Variants in UNC79 observed in about 807,000 individuals in gnomAD.
The protein encoded by UNC79 is unc-79 subunit of NALCN channel complex.
A neutral mutation model predicts 283.1 loss-of-function variants in UNC79; 37 were observed. The observed-to-expected ratio is 0.13, with a 90% confidence interval of 0.10 to 0.17. UNC79 has a LOEUF of 0.17. Among genes scored for constraint, UNC79 ranks in the 10% least tolerant of loss-of-function variants. The pLI, the probability that UNC79 is intolerant of heterozygous loss-of-function variation, is 1.00. For synonymous variants in UNC79, 1,107 were observed against 1,200.2 expected (o/e 0.92, Z 1.61); for missense variants, 2,272 against 3,211.1 (o/e 0.71, Z 7.07).
At chr14:93,433,081 C>G (rs903741921) in intron 1 of UNC79, among the ~76,000 whole-genome samples, 1 of 152,170 alleles carries the variant, frequency 6.6e-6, no homozygotes, top group African/African-American at 2.4e-5. Context: ...ATATCTGGAG[C>G]TAGAACATGT....
chr14:93,598,116 A>G (rs1225286457), intron 24 of UNC79, among the ~76,000 whole-genome samples: 1 of 151,988 alleles, frequency 6.6e-6, no homozygotes, highest in East Asian at 1.9e-4. Context: ...CCTCCTGAAT[A>G]GCTAGGACAA....
At chr14:93,627,014 A>C (rs1214074667) in intron 30 of UNC79, among the ~76,000 whole-genome samples, 2 of 152,164 alleles carry the variant, frequency 1.3e-5, no homozygotes, top group East Asian at 3.9e-4. Flanking sequence ...GCACTTGTGA[A>C]TAGCCACAGC....
chr14:93,548,991 T>A (rs1406941342), intron 14 of UNC79, among the ~76,000 whole-genome samples: 1 of 152,202 alleles, frequency 6.6e-6, no homozygotes, highest in Non-Finnish European at 1.5e-5. Flanking sequence ...TAGATGCAAA[T>A]TCTTCTTAGT....
intron 8 of UNC79, among the ~76,000 whole-genome samples, chr14:93,528,337 C>T (rs2060638536): frequency 6.6e-6 from 1 of 152,132 alleles, no homozygotes; most frequent in African/African-American, 2.4e-5. Context: ...TGCAAGTTAA[C>T]AGGAGAAATG....
upstream of UNC79, among the ~76,000 whole-genome samples, chr14:93,428,641 C>T (rs998757770): frequency 1.3e-5 from 2 of 152,086 alleles, no homozygotes; most frequent in Non-Finnish European, 1.5e-5. Context: ...TTGGAGGCTC[C>T]GAAGCATCAG....
At chr14:93,493,922 A>G (rs2058886029) in intron 5 of UNC79, among the ~76,000 whole-genome samples, 3 of 18,028 alleles carry the variant, frequency 1.7e-4, no homozygotes, top group Admixed American at 7.1e-4. Flanking sequence ...TTTTTTTTTG[A>G]GATAGAGTTT....
At chr14:93,665,406 T>G (rs1315945970) in intron 40 of UNC79, among the ~76,000 whole-genome samples, 1 of 151,342 alleles carries the variant, frequency 6.6e-6, no homozygotes, top group East Asian at 1.9e-4. Flanking sequence ...AAGAGAGAGA[T>G]AAAGAGATGA....
chr14:93,611,478 C>T (rs746018818), intron 26 of UNC79, among the ~76,000 whole-genome samples: 16 of 152,150 alleles, frequency 1.1e-4, no homozygotes, highest in African/African-American at 2.2e-4. Flanking sequence ...TGGTAAATTC[C>T]GAATTTGACC....
intron 7 of UNC79, among the ~76,000 whole-genome samples, chr14:93,523,315 C>G (rs2060409339): frequency 1.3e-5 from 2 of 152,064 alleles, no homozygotes; most frequent in Admixed American, 6.6e-5. Flanking sequence ...TATTAGCAGA[C>G]TAGCAAAGGT....
chr14:93,563,799 G>A (rs1311765507), intron 14 of UNC79, among the ~76,000 whole-genome samples: 1 of 152,162 alleles, frequency 6.6e-6, no homozygotes, highest in East Asian at 1.9e-4. Context: ...TGGGAGCCCG[G>A]ATTGAAGTCT....
At chr14:93,402,655 T>C (rs962435800) in intron 1 of UNC79, among the ~76,000 whole-genome samples, 1 of 151,912 alleles carries the variant, frequency 6.6e-6, no homozygotes, top group Non-Finnish European at 1.5e-5. Flanking sequence ...AGATAAGAAA[T>C]ATGAACAAGC....
intron 48 of UNC79, among the ~76,000 whole-genome samples, chr14:93,706,239 CTGAG>C (rs2075871065): frequency 6.6e-6 from 1 of 152,134 alleles, no homozygotes; most frequent in South Asian, 2.1e-4. Flanking sequence ...CACAAACCCC[CTGAG>C]TAAGTGTCAC....
At position 93,642,454 on chromosome 14, in the gene UNC79, G is replaced by A. The variant is rs545211647; in HGVS notation, c.5904-1103G>A. On this transcript the variant is annotated intron_variant, in intron 33 of 48. Coordinates refer to ENST00000555664, the Ensembl canonical transcript of UNC79. ...AAAAAAAAAAAAAAAAGTGAGGAAG[G>A]TAAGGTGGAAGGGGCTGATGTGAGT... is the stretch of plus-strand genomic sequence containing the variant. Among the ~76,000 whole-genome samples the A allele has an allele frequency of 6.6e-5, 10 of 151,132 alleles. No homozygotes were observed. In the South Asian group the frequency reaches 2.1e-3, roughly 32 times the overall value.
chr14:93,641,178 G>A, exon 33 of UNC79: 4 of 1,613,704 alleles, frequency 2.5e-6, no homozygotes, highest in Non-Finnish European at 3.4e-6. Context: ...TCAGCACCAA[G>A]CATAGTCAGT....
intron 7 of UNC79, among the ~76,000 whole-genome samples, chr14:93,506,057 C>T (rs2059521583): frequency 6.6e-6 from 1 of 151,798 alleles, no homozygotes; most frequent in Non-Finnish European, 1.5e-5. Context: ...GCTATTTTCC[C>T]CTTTTTGTAT....
chr14:93,676,958 T>C (rs1017397762), intron 41 of UNC79, among the ~76,000 whole-genome samples: 3 of 152,210 alleles, frequency 2.0e-5, no homozygotes, highest in African/African-American at 4.8e-5. Flanking sequence ...GTAAAATTAT[T>C]CAGATTGAAG....
chr14:93,389,402 A>C (rs941258750), intron 1 of UNC79, among the ~76,000 whole-genome samples: 3 of 152,346 alleles, frequency 2.0e-5, no homozygotes, highest in Non-Finnish European at 4.4e-5. Context: ...AGGCAGTCCC[A>C]GACTGTAATC....
chr14:93,682,529 T>C (rs2073929237), intron 41 of UNC79, 88 bp from the exon 45 acceptor site: 1 of 1,179,648 alleles, frequency 8.5e-7, no homozygotes. Context: ...TAAACACTAA[T>C]TAATTTAAGC....
chr14:93,631,329 G>A (rs755387381), intron 31 of UNC79, among the ~76,000 whole-genome samples: 98 of 152,150 alleles, frequency 6.4e-4, no homozygotes, highest in Admixed American at 2.6e-3. Flanking sequence ...CTAGGTTATC[G>A]TAAAATAAAT....
Sources: allele counts gnomAD v4.1 joint callset (sites outside exome capture counted in the v4.1 genomes callset), GRCh38; gene constraint gnomAD v4.1.1; transcripts MANE v1.5; gene names NCBI Gene and HGNC (gene_info 2026-07-23, HGNC 2026-07-21).